AP1S3: variants seen among roughly 807,000 people sequenced by gnomAD.
AP1S3 encodes adaptor related protein complex 1 subunit sigma 3, also known as AP-1 complex subunit sigma-3.
A neutral mutation model predicts 20.9 loss-of-function variants in AP1S3; 10 were observed. The ratio of observed to expected loss-of-function variants is 0.48; its 90% CI spans 0.29 to 0.81. The LOEUF (loss-of-function observed/expected upper bound fraction) is 0.81, where lower values mean the gene tolerates loss of function less well. Among genes scored for constraint, AP1S3 ranks in the 30% least tolerant of loss-of-function variants. The probability of loss-of-function intolerance (pLI) is 0.08; values close to 1 mark genes in which losing one functional copy is unlikely to be tolerated. For missense variants in AP1S3, 154 were observed against 183.8 expected (o/e 0.84, Z 0.94); for synonymous variants, 41 against 61.5 (o/e 0.67, Z 1.56).
chr2:223,777,152 T>C (rs1690801890), intron 2 of AP1S3, among the ~76,000 whole-genome samples: 1 of 152,190 alleles, frequency 6.6e-6, no homozygotes, highest in Non-Finnish European at 1.5e-5. Context: ...TCCCAGCACT[T>C]TGGGAGGCCA....
At chr2:223,761,029 G>C (rs535813507) in intron 4 of AP1S3, among the ~76,000 whole-genome samples, 2 of 152,158 alleles carry the variant, frequency 1.3e-5, no homozygotes, top group Non-Finnish European at 2.9e-5. Flanking sequence ...GACTCAGTCT[G>C]CTAAACACCA....
intron 3 of AP1S3, among the ~76,000 whole-genome samples, chr2:223,766,901 G>T (rs1205017244): frequency 6.6e-6 from 1 of 152,162 alleles, no homozygotes; most frequent in East Asian, 1.9e-4. Flanking sequence ...CATGTCCTTT[G>T]CAGGGACACA....
chr2:223,828,277 C>T (rs1692180006), intron 1 of AP1S3, among the ~76,000 whole-genome samples: 1 of 150,414 alleles, frequency 6.6e-6, no homozygotes, highest in Non-Finnish European at 1.5e-5. Flanking sequence ...ATTCCCCTCA[C>T]CACATTCTCC....
chr2:223,762,268 A>ATTTTTTTTTTTTTTT (rs57119521), intron 4 of AP1S3, among the ~76,000 whole-genome samples: 3 of 105,198 alleles, frequency 2.9e-5, no homozygotes, highest in Non-Finnish European at 5.6e-5. Context: ...GTGCCCAGCA[A>ATTTTTTTTTTTTTTT]TTTTTTTTTT....
chr2:223,807,959 G>A (rs891847306), intron 1 of AP1S3, among the ~76,000 whole-genome samples: 2 of 133,316 alleles, frequency 1.5e-5, no homozygotes, highest in African/African-American at 5.7e-5. Context: ...GTGCGATCTT[G>A]GCTCACTGCA....
Position 223,758,137 on chromosome 2 carries a change from C to T in AP1S3, c.*578G>A. On this transcript the variant is annotated 3_prime_UTR_variant, in exon 5 of 5. Transcript: ENST00000396654. ...TACTCTTTGGTTATTTTCATAATCC[C>T]AATTCTAAAAAAAATAAATGAATTC... The T allele has an allele frequency of 1.0e-6, 1 of 956,760 alleles. No individual in the cohort carries two copies. The highest frequency in any genetic ancestry group is 1.2e-6 in the Non-Finnish European group (1 of 811,750). The allele number at this position is 956,760 out of a possible 1,614,324, so 59.3% of individuals were successfully genotyped here.
At chr2:223,803,860 A>G (rs906751185) in intron 1 of AP1S3, among the ~76,000 whole-genome samples, 1 of 150,560 alleles carries the variant, frequency 6.6e-6, no homozygotes, top group Non-Finnish European at 1.5e-5. Flanking sequence ...AGCCTGGGTG[A>G]CAGAGCGAGA....
intron 3 of AP1S3, among the ~76,000 whole-genome samples, chr2:223,774,121 T>C (rs1001644280): frequency 6.6e-6 from 1 of 152,138 alleles, no homozygotes; most frequent in South Asian, 2.1e-4. Context: ...TCCCAGCACG[T>C]TGGGAGGCCA....
intron 1 of AP1S3, among the ~76,000 whole-genome samples, chr2:223,818,421 T>TGA (rs1691907921): frequency 1.3e-5 from 1 of 74,446 alleles, no homozygotes; most frequent in Non-Finnish European, 2.8e-5. Context: ...AGACTCCATC[T>TGA]CAAAAAAAAA....
In AP1S3 at chr2:223,757,156, A is replaced by AT. The variant is rs1394638648; in HGVS notation, c.*1558dup. 7.0e-6 allele frequency: 2 copies of AT among 287,232 alleles called. No homozygotes were observed. Among genetic ancestry groups the AT allele is most frequent in the Non-Finnish European group, 1.0e-5 (2 of 192,266 alleles). 17.8% of individuals were successfully genotyped at this position (287,232 alleles called of 1,614,324 possible). A position where few individuals can be genotyped will look rare whatever the true frequency, so the allele number is the denominator to read the frequency against. ...AGGCACCTGCCACCATGCCCGGCTA[A>AT]TTTTTTTGTTTGTTTGAGACGAAGT... is the stretch of plus-strand genomic sequence containing the variant. On this transcript the variant is annotated 3_prime_UTR_variant, in exon 5 of 5. Coordinates refer to ENST00000396654, the MANE Select transcript of AP1S3 (RefSeq NM_001039569.2).
chr2:223,796,158 G>A (rs1264404693), intron 1 of AP1S3, among the ~76,000 whole-genome samples: 4 of 142,850 alleles, frequency 2.8e-5, no homozygotes, highest in South Asian at 2.2e-4. Context: ...GGGCAACACA[G>A]AGAGACTCCA....
intron 1 of AP1S3, among the ~76,000 whole-genome samples, chr2:223,832,945 T>C (rs534254836): frequency 5.1e-5 from 6 of 117,110 alleles, no homozygotes; most frequent in Admixed American, 1.0e-4. Flanking sequence ...CCAAAAAAAA[T>C]CCTTGATTTT....
intron 1 of AP1S3, among the ~76,000 whole-genome samples, chr2:223,827,575 G>A (rs10177420): frequency 0.32 from 48,826 of 151,418 alleles, 8,295 homozygotes; most frequent in Middle Eastern, 0.42. Flanking sequence ...CAGTAGAAAC[G>A]GGGCTTTACC....
At chr2:223,792,551 C>T (rs930362429) in intron 1 of AP1S3, among the ~76,000 whole-genome samples, 7 of 152,046 alleles carry the variant, frequency 4.6e-5, no homozygotes, top group African/African-American at 1.7e-4. Context: ...GGGCTCCTTC[C>T]TTATACCATA....
chr2:223,796,548 T>G (rs535229690), intron 1 of AP1S3, among the ~76,000 whole-genome samples: 11 of 152,276 alleles, frequency 7.2e-5, no homozygotes, highest in African/African-American at 2.4e-4. Context: ...AGTTCCTTTC[T>G]TTTTCTCTTG....
chr2:223,800,493 G>T (rs749706017), intron 1 of AP1S3, among the ~76,000 whole-genome samples: 1 of 151,862 alleles, frequency 6.6e-6, no homozygotes, highest in Non-Finnish European at 1.5e-5. Context: ...TCAGGCCACT[G>T]CACTTCAGTC....
At chr2:223,786,601 A>T (rs748248640) in intron 1 of AP1S3, among the ~76,000 whole-genome samples, 9 of 151,864 alleles carry the variant, frequency 5.9e-5, no homozygotes, top group Non-Finnish European at 1.5e-5. Context: ...ACAAAAAAAA[A>T]GTTATTAAAT....
intron 1 of AP1S3, among the ~76,000 whole-genome samples, chr2:223,834,637 G>C (rs1265430652): frequency 6.8e-6 from 1 of 146,252 alleles, no homozygotes; most frequent in Non-Finnish European, 1.5e-5. Flanking sequence ...CATGCCTACA[G>C]TCCCAGCTAC....
At chr2:223,836,028 G>A (rs1692386820) in intron 1 of AP1S3, among the ~76,000 whole-genome samples, 2 of 152,236 alleles carry the variant, frequency 1.3e-5, no homozygotes, top group South Asian at 4.1e-4. Flanking sequence ...ACCCTCAACA[G>A]ACAAAAATGA....
Sources: allele counts gnomAD v4.1 joint callset (sites outside exome capture counted in the v4.1 genomes callset), GRCh38; gene constraint gnomAD v4.1.1; transcripts MANE v1.5; gene names NCBI Gene and HGNC (gene_info 2026-07-23, HGNC 2026-07-21).